The following MYO3B variants were observed in gnomAD, a reference collection of about 807,000 sequenced individuals.
MYO3B encodes the protein myosin-IIIb.
Under a neutral mutation model 174.6 loss-of-function variants are expected in MYO3B, and 156 were observed. That is an observed-to-expected ratio of 0.89 (90% CI 0.78 to 1.02). MYO3B has a LOEUF of 1.02. Among genes scored for constraint, MYO3B ranks in the 50% least tolerant of loss-of-function variants. The probability of loss-of-function intolerance (pLI) is 0.00; values close to 1 mark genes in which losing one functional copy is unlikely to be tolerated. For missense variants in MYO3B, 1,632 were observed against 1,639.4 expected (o/e 1.00, Z 0.08); for synonymous variants, 563 against 569.1 (o/e 0.99, Z 0.15).
intron 7 of MYO3B, among the ~76,000 whole-genome samples, chr2:170,320,913 T>C (rs947825382): frequency 6.6e-6 from 1 of 151,854 alleles, no homozygotes; most frequent in Non-Finnish European, 1.5e-5. Flanking sequence ...ACATAGAAAA[T>C]AACAATTTTC....
intron 22 of MYO3B, among the ~76,000 whole-genome samples, chr2:170,428,150 A>G (rs959612824): frequency 1.3e-5 from 2 of 152,232 alleles, no homozygotes; most frequent in African/African-American, 4.8e-5. Context: ...AAAGTAAAGG[A>G]GGAGGAATAA....
chr2:170,199,196 T>C lies in MYO3B; in HGVS notation c.3-12T>C, dbSNP rs771072062. ...TGATCTGTTGCACATAACAAATTTT[T>C]CCCCCAACCAGGAAACATCTGTATG... On this transcript the variant is annotated splice_polypyrimidine_tract_variant and intron_variant, in intron 1 of 34. Coordinates refer to ENST00000408978, the MANE Select transcript of MYO3B (RefSeq NM_138995.5). 1.5e-5 allele frequency: 23 copies of C among 1,574,648 alleles called. No homozygotes were observed. Among genetic ancestry groups the C allele is most frequent in the East Asian group, 2.2e-5 (1 of 44,532 alleles).
intron 7 of MYO3B, among the ~76,000 whole-genome samples, chr2:170,333,468 T>C (rs2093925830): frequency 6.6e-6 from 1 of 152,244 alleles, no homozygotes; most frequent in African/African-American, 2.4e-5. Context: ...TTTTGAATTA[T>C]AAGATATGAA....
At chr2:170,593,285 T>C (rs1376599500) in intron 32 of MYO3B, among the ~76,000 whole-genome samples, 1 of 152,166 alleles carries the variant, frequency 6.6e-6, no homozygotes, top group African/African-American at 2.4e-5. Context: ...TTATTTTTTG[T>C]AGGGACAAGG....
At chr2:170,451,855 C>G (rs554353646) in intron 23 of MYO3B, among the ~76,000 whole-genome samples, 1 of 152,192 alleles carries the variant, frequency 6.6e-6, no homozygotes, top group African/African-American at 2.4e-5. Flanking sequence ...AAAACAGATC[C>G]CCAAAATTAA....
chr2:170,273,220 G>C (rs1016944656), intron 7 of MYO3B, among the ~76,000 whole-genome samples: 1 of 152,102 alleles, frequency 6.6e-6, no homozygotes, highest in Non-Finnish European at 1.5e-5. Context: ...GTGACCATGT[G>C]GGGGTTTGAG....
intron 32 of MYO3B, among the ~76,000 whole-genome samples, chr2:170,581,234 T>C (rs1693129204): frequency 1.3e-5 from 2 of 152,210 alleles, no homozygotes; most frequent in Non-Finnish European, 2.9e-5. Flanking sequence ...ACAAATGACA[T>C]ATCGCTTTTT....
intron 6 of MYO3B, 137 bp from the exon 7 acceptor site, chr2:170,235,852 TGC>T: frequency 1.0e-6 from 1 of 964,940 alleles, no homozygotes; most frequent in Non-Finnish European, 1.6e-6. Flanking sequence ...AGGCCTAGAA[TGC>T]ACACATCTTA....
intron 32 of MYO3B, among the ~76,000 whole-genome samples, chr2:170,564,801 ATTACAT>A (rs1398058044): frequency 6.6e-6 from 1 of 152,168 alleles, no homozygotes; most frequent in Non-Finnish European, 1.5e-5. Context: ...ACTGTTAAAA[ATTACAT>A]TTACAAAGTA....
rs1559104433 is a variant in MYO3B at position 170,547,344 on chromosome 2, A to AAG, written c.3733+3356_3733+3357insAG. Among the ~76,000 whole-genome samples the AAG allele has an allele frequency of 2.1e-5, 3 of 144,116 alleles. No homozygotes were observed. In the South Asian group the frequency reaches 6.6e-4, roughly 32 times the overall value. The allele number at this position is 144,116 out of a possible 152,430, so 94.5% of individuals were successfully genotyped here. ...GACTCTGTCTCAAAAAAAAAAAAAAAGAAGTGTCCCTAAACTGGCCCATGT... is the reference window on the plus strand; with the variant it reads ...GACTCTGTCTCAAAAAAAAAAAAAAAAGGAAGTGTCCCTAAACTGGCCCATGT... On this transcript the variant is annotated intron_variant, in intron 32 of 34. Transcript: ENST00000408978.
chr2:170,609,213 A>G (rs1315963102), intron 32 of MYO3B, among the ~76,000 whole-genome samples: 1 of 152,198 alleles, frequency 6.6e-6, no homozygotes, highest in Non-Finnish European at 1.5e-5. Flanking sequence ...TAGATGCCTC[A>G]CACATTATAC....
At chr2:170,407,352 T>A (rs962379091) in intron 21 of MYO3B, among the ~76,000 whole-genome samples, 1 of 151,934 alleles carries the variant, frequency 6.6e-6, no homozygotes, top group Non-Finnish European at 1.5e-5. Context: ...TCCCAGCTAC[T>A]CGGGAGGCTG....
chr2:170,266,637 A>T (rs566473017), intron 7 of MYO3B, among the ~76,000 whole-genome samples: 1 of 152,316 alleles, frequency 6.6e-6, no homozygotes, highest in African/African-American at 2.4e-5. Flanking sequence ...CCAGGTTCTT[A>T]TGTAAGTGTC....
intron 32 of MYO3B, among the ~76,000 whole-genome samples, chr2:170,609,145 C>T (rs1387098962): frequency 2.0e-5 from 3 of 152,210 alleles, no homozygotes; most frequent in Admixed American, 6.5e-5. Context: ...CACGTGCTTG[C>T]TGATTTCCTT....
intron 32 of MYO3B, among the ~76,000 whole-genome samples, chr2:170,633,989 A>C (rs906569651): frequency 6.6e-6 from 1 of 152,368 alleles, no homozygotes; most frequent in East Asian, 1.9e-4. Context: ...ATGGAAGAAC[A>C]TTCCATGCTC....
At chr2:170,511,738 G>A (rs1030583569) in intron 28 of MYO3B, among the ~76,000 whole-genome samples, 15 of 152,040 alleles carry the variant, frequency 9.9e-5, no homozygotes, top group African/African-American at 3.1e-4. Context: ...ATTCTTTTGG[G>A]GTACCCACAA....
intron 32 of MYO3B, among the ~76,000 whole-genome samples, chr2:170,633,635 A>G (rs1697217741): frequency 6.6e-6 from 1 of 152,240 alleles, no homozygotes; most frequent in African/African-American, 2.4e-5. Flanking sequence ...ATCAGGCAAG[A>G]GAAAGAAAGA....
intron 32 of MYO3B, among the ~76,000 whole-genome samples, chr2:170,581,541 A>T (rs1003858860): frequency 1.3e-5 from 2 of 152,124 alleles, no homozygotes; most frequent in Admixed American, 1.3e-4. Context: ...CCACAAACTT[A>T]TAAAGATATT....
intron 16 of MYO3B, 61 bp downstream of exon 16, chr2:170,392,556 A>G (rs1273131876): frequency 1.8e-6 from 2 of 1,099,528 alleles, no homozygotes; most frequent in East Asian, 2.7e-5. Context: ...GTGAGTAAAG[A>G]TGTGGTATTT....
Sources: gnomAD v4.1 joint callset for allele counts (sites outside exome capture counted in the v4.1 genomes callset) on GRCh38, gnomAD v4.1.1 for gene constraint, MANE v1.5 for transcripts, NCBI Gene and HGNC (gene_info 2026-07-23, HGNC 2026-07-21) for gene names.